Variants in STK38 observed in about 807,000 individuals in gnomAD.
The protein encoded by STK38 is serine/threonine-protein kinase 38.
STK38 carries 26 observed loss-of-function variants against 59.0 expected under a neutral mutation model. That is an observed-to-expected ratio of 0.44 (90% CI 0.32 to 0.61). STK38 has a LOEUF of 0.61. Among genes scored for constraint, STK38 ranks in the 20% least tolerant of loss-of-function variants. The pLI is 0.04. For missense variants in STK38, 433 were observed against 566.0 expected, an observed-to-expected ratio of 0.76 and a Z score of 2.38; for synonymous variants, 175 against 176.6, an observed-to-expected ratio of 0.99 and a Z score of 0.07.
intron 5 of STK38, 139 bp downstream of exon 5, chr6:36,521,595 A>T: frequency 2.3e-6 from 1 of 439,236 alleles, no homozygotes; most frequent in African/African-American, 2.1e-5. Context: ...AGGGGGAAAA[A>T]GGTAGTATTA....
At chr6:36,523,524 T>G (rs1360425281) in intron 4 of STK38, among the ~76,000 whole-genome samples, 1 of 149,364 alleles carries the variant, frequency 6.7e-6, no homozygotes, top group Non-Finnish European at 1.5e-5. Context: ...CCTCCCAAAG[T>G]GCTGAGATTA....
Position 36,500,019 on chromosome 6 carries a change from C to G in STK38, c.835-29G>C, listed in dbSNP as rs1332271838. 5 of 1,562,346 alleles carry G rather than the reference C, an allele frequency of 3.2e-6. No homozygotes were observed. The Admixed American group carries it at 6.7e-5, about 21-fold the overall frequency. On this transcript the variant is annotated intron_variant, in intron 9 of 13. Transcript: ENST00000229812. ...AAACATGGACCACACATCAGCGAGGCCCAGCCAGGCAGGAGGTGCCCAGAG... is the reference window on the plus strand; with the variant it reads ...AAACATGGACCACACATCAGCGAGGGCCAGCCAGGCAGGAGGTGCCCAGAG...
chr6:36,538,551 T>C (rs1199932699), intron 2 of STK38, among the ~76,000 whole-genome samples: 2 of 152,226 alleles, frequency 1.3e-5, no homozygotes, highest in Non-Finnish European at 2.9e-5. Context: ...GTTAATGTTA[T>C]ATAAGCAGAA....
In STK38 at chr6:36,507,597, A is replaced by G. The variant is rs565056528; in HGVS notation, c.675T>C (p.His225=). The change falls in exon 8 of 14, where the codon CAT becomes CAC. Residue 225 remains histidine, a synonymous_variant. Transcript: ENST00000229812. ...AAAGACCAAAGTCAGAAAGTTTCAC[A>G]TGGCCCTATGGGGAAGAAACAAGGT... ...PDNLLLDSKG[H]VKLSDFGLCT... is the part of the protein sequence containing the mutation. 72 of 1,613,554 alleles carry G rather than the reference A, an allele frequency of 4.5e-5. 1 individual carries two copies. In the East Asian group the frequency reaches 1.5e-3, roughly 34 times the overall value.
chr6:36,537,128 C>T (rs1486162857), intron 2 of STK38, among the ~76,000 whole-genome samples: 1 of 152,024 alleles, frequency 6.6e-6, no homozygotes, highest in East Asian at 1.9e-4. Context: ...ACAAACATTT[C>T]ACAAAGGAAG....
chr6:36,495,594 G>T lies in STK38; in HGVS notation c.*190C>A. ...TGTTTATGGCCGACGTAGTAGAAATGGTTGTCTTTGTTTACAGTTTTTCAG... is the reference window on the plus strand; with the variant it reads ...TGTTTATGGCCGACGTAGTAGAAATTGTTGTCTTTGTTTACAGTTTTTCAG... On this transcript the variant is annotated 3_prime_UTR_variant, in exon 14 of 14. Transcript: ENST00000229812. The T allele has an allele frequency of 1.5e-6, 1 of 645,264 alleles. No individual in the cohort carries two copies. Among genetic ancestry groups the T allele is most frequent in the Non-Finnish European group, 2.5e-6 (1 of 406,300 alleles). 40.0% of individuals were successfully genotyped at this position (645,264 alleles called of 1,614,324 possible). A position where few individuals can be genotyped will look rare whatever the true frequency, so the allele number is the denominator to read the frequency against.
rs60236498 is a variant in STK38 at position 36,531,411 on chromosome 6, C to T, written c.132-5769G>A. ...GAAAATGTTTTGTAAAAAGAAATGC[C>T]GGTTTCTTCAGATTTGATTTCAAAC... On this transcript the variant is annotated intron_variant, in intron 2 of 13. Transcript: ENST00000229812. Among the ~76,000 whole-genome samples, 353 of 152,260 alleles carry T rather than the reference C, an allele frequency of 2.3e-3. 8 individuals carry two copies. The East Asian group carries it at 0.059, about 26-fold the overall frequency.
intron 4 of STK38, among the ~76,000 whole-genome samples, chr6:36,523,273 T>A (rs1252717886): frequency 1.3e-5 from 2 of 150,474 alleles, no homozygotes; most frequent in African/African-American, 4.9e-5. Context: ...TTGTTTTTTT[T>A]TTTTTTTGAG....
chr6:36,501,245 A>G (rs921172139), intron 9 of STK38, among the ~76,000 whole-genome samples: 2 of 151,954 alleles, frequency 1.3e-5, no homozygotes, highest in Non-Finnish European at 2.9e-5. Flanking sequence ...GAGCCACCGC[A>G]CCTGACCAAG....
intron 6 of STK38, among the ~76,000 whole-genome samples, chr6:36,516,750 C>T (rs758813900): frequency 6.6e-6 from 1 of 152,098 alleles, no homozygotes; most frequent in Non-Finnish European, 1.5e-5. Context: ...TGCAAGTTTG[C>T]CCAGATGATT....
chr6:36,524,542 TACCCAGCTAGA>T, intron 3 of STK38, 79 bp from the exon 4 acceptor site: 1 of 1,463,134 alleles, frequency 6.8e-7, no homozygotes, highest in Non-Finnish European at 9.2e-7. Flanking sequence ...GTTTGTGACT[TACCCAGCTAGA>T]AAACAGGTCC....
Position 36,525,555 on chromosome 6 carries a change from C to A in STK38, c.183+36G>T, listed in dbSNP as rs749926839. The A allele has an allele frequency of 1.6e-5, 25 of 1,602,722 alleles. No homozygotes were observed. In the South Asian group the frequency reaches 2.5e-4, roughly 16 times the overall value. On this transcript the variant is annotated intron_variant, in intron 3 of 13. Transcript: ENST00000229812. ...ACTGGACAAGATACAACCTGCCACG[C>A]TGGGTTTTAAGGAAAACATTGCCAA...
chr6:36,520,403 T>C (rs1331176911), intron 5 of STK38, among the ~76,000 whole-genome samples: 3 of 152,300 alleles, frequency 2.0e-5, no homozygotes, highest in Non-Finnish European at 4.4e-5. Context: ...ATACATAAAA[T>C]TACTAACTGA....
chr6:36,511,584 C>T lies in STK38; in HGVS notation c.669+3754G>A, dbSNP rs182079670. On this transcript the variant is annotated intron_variant, in intron 7 of 13. Transcript: ENST00000229812. The stretch of plus-strand genomic sequence containing the variant: ...CCTTGGCCAGGCTGGTCTTGAACTC[C>T]TGACCTCATGATCCACCCACCTCGG... Among the ~76,000 whole-genome samples, 563 of 151,790 alleles carry T rather than the reference C, an allele frequency of 3.7e-3. 3 individuals are homozygous for T. Among genetic ancestry groups the T allele is most frequent in the African/African-American group, 0.013 (524 of 41,448 alleles).
Position 36,507,930 on chromosome 6 carries a change from ATTTT to A in STK38, c.670-332_670-329del, listed in dbSNP as rs35789250. ...CCTCTGTTTCTATATGGTATTCAGA[ATTTT>A]TTTTTTTTTTTTTTTTTGAGACATG... On this transcript the variant is annotated intron_variant, in intron 7 of 13. Coordinates refer to ENST00000229812, the MANE Select transcript of STK38 (RefSeq NM_007271.4). Among the ~76,000 whole-genome samples, 713 of 113,220 alleles carry A rather than the reference ATTTT, an allele frequency of 6.3e-3. 3 individuals are homozygous for A. Among genetic ancestry groups the A allele is most frequent in the Non-Finnish European group, 7.7e-3 (456 of 58,854 alleles). 74.3% of individuals were successfully genotyped at this position (113,220 alleles called of 152,430 possible).
At chr6:36,527,726 G>A (rs1450604999) in intron 2 of STK38, among the ~76,000 whole-genome samples, 1 of 151,922 alleles carries the variant, frequency 6.6e-6, no homozygotes, top group Non-Finnish European at 1.5e-5. Flanking sequence ...AAAGCACATG[G>A]GCTAGAATCT....
intron 12 of STK38, among the ~76,000 whole-genome samples, chr6:36,497,516 C>T (rs778199946): frequency 7.2e-5 from 11 of 152,316 alleles, no homozygotes; most frequent in African/African-American, 2.2e-4. Flanking sequence ...AAGGGTAATA[C>T]GCTTCCTAGA....
At chr6:36,513,917 A>G (rs1158559277) in intron 7 of STK38, among the ~76,000 whole-genome samples, 1 of 145,298 alleles carries the variant, frequency 6.9e-6, no homozygotes, top group Non-Finnish European at 1.5e-5. Flanking sequence ...GCACTTTGGG[A>G]GGCCAAGGCG....
chr6:36,506,807 A>G (rs184771776), intron 8 of STK38, among the ~76,000 whole-genome samples, 163 bp from the exon 9 acceptor site: 2 of 152,168 alleles, frequency 1.3e-5, no homozygotes, highest in Admixed American at 1.3e-4. Context: ...TTTACAGTAA[A>G]CCCAAATCAG....
Sources: allele counts gnomAD v4.1 joint callset (sites outside exome capture counted in the v4.1 genomes callset), GRCh38; gene constraint gnomAD v4.1.1; transcripts MANE v1.5; gene names NCBI Gene and HGNC (gene_info 2026-07-23, HGNC 2026-07-21).